PAK5: variants seen among roughly 807,000 people sequenced by gnomAD.
PAK5 encodes the protein p21 (RAC1) activated kinase 5, also known as serine/threonine-protein kinase PAK 5.
Under a neutral mutation model 65.9 loss-of-function variants are expected in PAK5, and 16 were observed. The ratio of observed to expected loss-of-function variants is 0.24; its 90% CI spans 0.16 to 0.37. The LOEUF is 0.37. Among genes scored for constraint, PAK5 ranks in the 10% least tolerant of loss-of-function variants. The probability of loss-of-function intolerance (pLI) is 1.00; values close to 1 mark genes in which losing one functional copy is unlikely to be tolerated. For missense variants in PAK5, 785 were observed against 903.9 expected (o/e 0.87, Z 1.69); for synonymous variants, 371 against 354.9 (o/e 1.05, Z -0.51).
At chr20:9,575,064 GGCC>G (rs1228585654) in intron 4 of PAK5, among the ~76,000 whole-genome samples, 1 of 152,152 alleles carries the variant, frequency 6.6e-6, no homozygotes, top group Non-Finnish European at 1.5e-5. Context: ...GGGAAGACTG[GGCC>G]CACTGGTTCA....
chr20:9,690,457 G>T (rs1450806379), intron 2 of PAK5, among the ~76,000 whole-genome samples: 2 of 152,156 alleles, frequency 1.3e-5, no homozygotes, highest in Non-Finnish European at 2.9e-5. Flanking sequence ...TTAGTCCCAG[G>T]AAGCAATGGT....
chr20:9,622,811 C>T (rs975986326), intron 3 of PAK5, among the ~76,000 whole-genome samples: 4 of 152,196 alleles, frequency 2.6e-5, no homozygotes, highest in Non-Finnish European at 4.4e-5. Context: ...TGTGGAAAAA[C>T]TGTCTTCCAC....
At chr20:9,733,764 CA>C (rs1298618288) in intron 1 of PAK5, among the ~76,000 whole-genome samples, 1 of 152,140 alleles carries the variant, frequency 6.6e-6, no homozygotes, top group Non-Finnish European at 1.5e-5. Flanking sequence ...TCTTTTTAAA[CA>C]ACATTACTCG....
intron 3 of PAK5, among the ~76,000 whole-genome samples, chr20:9,638,333 G>C (rs113052455): frequency 2.6e-5 from 4 of 152,194 alleles, no homozygotes; most frequent in Non-Finnish European, 4.4e-5. Context: ...GGGTATTCAG[G>C]TTATCTTGGC....
At chr20:9,832,274 C>T (rs221018) in intron 1 of PAK5, among the ~76,000 whole-genome samples, 92,415 of 151,742 alleles carry the variant, frequency 0.61, 30,081 homozygotes, top group African/African-American at 0.85. Context: ...GTTTTGACAA[C>T]TTTCTTTTTT....
At chr20:9,641,671 A>C (rs1455296332) in intron 3 of PAK5, among the ~76,000 whole-genome samples, 1 of 152,018 alleles carries the variant, frequency 6.6e-6, no homozygotes, top group East Asian at 1.9e-4. Flanking sequence ...TCGGCCGCAC[A>C]GGAGCCCATG....
chr20:9,739,303 T>C (rs768893328), intron 1 of PAK5, among the ~76,000 whole-genome samples: 9 of 151,922 alleles, frequency 5.9e-5, no homozygotes, highest in Non-Finnish European at 1.2e-4. Flanking sequence ...GCTAGAGCTA[T>C]AGAAATAACC....
intron 3 of PAK5, among the ~76,000 whole-genome samples, chr20:9,623,157 T>C (rs2046795682): frequency 1.3e-5 from 2 of 152,206 alleles, no homozygotes. Flanking sequence ...ATTTTTCTAA[T>C]TGTCTCATCT....
At chr20:9,546,419 G>C (rs943662791) in intron 7 of PAK5, among the ~76,000 whole-genome samples, 1 of 152,092 alleles carries the variant, frequency 6.6e-6, no homozygotes, top group African/African-American at 2.4e-5. Flanking sequence ...ACACACTTTA[G>C]GTTTATCATG....
chr20:9,766,369 A>AC (rs1347216216), intron 1 of PAK5, among the ~76,000 whole-genome samples: 1,032 of 41,644 alleles, frequency 0.025, 151 homozygotes, highest in East Asian at 0.096. Context: ...ATATATATAT[A>AC]TTCAAGCAGA....
At chr20:9,547,397 G>T (rs2045361252) in intron 7 of PAK5, among the ~76,000 whole-genome samples, 4 of 152,162 alleles carry the variant, frequency 2.6e-5, no homozygotes, top group Admixed American at 2.6e-4. Flanking sequence ...CTTACTACCT[G>T]CCAGGTAACA....
At chr20:9,760,337 G>GGCTA (rs1301493838) in intron 1 of PAK5, among the ~76,000 whole-genome samples, 1 of 152,016 alleles carries the variant, frequency 6.6e-6, no homozygotes, top group Non-Finnish European at 1.5e-5. Flanking sequence ...CAGTATTGAG[G>GGCTA]GCTAAATGAT....
chr20:9,590,441 G>C (rs2046148105), intron 3 of PAK5, among the ~76,000 whole-genome samples: 6 of 152,102 alleles, frequency 3.9e-5, no homozygotes, highest in Admixed American at 3.9e-4. Context: ...TGAGAGTATG[G>C]CTGGATTTGT....
At chr20:9,825,727 C>T (rs2123780252) in intron 1 of PAK5, among the ~76,000 whole-genome samples, 1 of 152,230 alleles carries the variant, frequency 6.6e-6, no homozygotes, top group Admixed American at 6.5e-5. Flanking sequence ...TTCATACCAG[C>T]ATAAAGTCTT....
intron 3 of PAK5, among the ~76,000 whole-genome samples, chr20:9,640,304 AT>A (rs984902029): frequency 6.8e-6 from 1 of 147,716 alleles, no homozygotes; most frequent in African/African-American, 2.5e-5. Context: ...GAGTGAGAAC[AT>A]TCGGTGTTTG....
At chr20:9,771,661 T>C (rs1248325698) in intron 1 of PAK5, among the ~76,000 whole-genome samples, 1 of 146,744 alleles carries the variant, frequency 6.8e-6, no homozygotes, top group Non-Finnish European at 1.5e-5. Flanking sequence ...CCTCAAGTAA[T>C]CCTCCTGTAT....
At chr20:9,628,658 A>T (rs2046879923) in intron 3 of PAK5, among the ~76,000 whole-genome samples, 1 of 152,202 alleles carries the variant, frequency 6.6e-6, no homozygotes, top group Admixed American at 6.5e-5. Context: ...TGCACAATAA[A>T]CATCTGTTAA....
intron 1 of PAK5, among the ~76,000 whole-genome samples, chr20:9,787,716 A>C (rs1298816372): frequency 6.6e-6 from 1 of 151,870 alleles, no homozygotes; most frequent in Non-Finnish European, 1.5e-5. Context: ...TTCCAAAAAA[A>C]AATTCTTGAT....
At chr20:9,641,852 CG>C (rs912952434) in intron 3 of PAK5, among the ~76,000 whole-genome samples, 4 of 152,180 alleles carry the variant, frequency 2.6e-5, no homozygotes, top group African/African-American at 7.2e-5. Flanking sequence ...CCCCATTGCC[CG>C]GGGCCAGCAG....
Sources: allele counts gnomAD v4.1 joint callset (sites outside exome capture counted in the v4.1 genomes callset), GRCh38; gene constraint gnomAD v4.1.1; transcripts MANE v1.5; gene names NCBI Gene and HGNC (gene_info 2026-07-23, HGNC 2026-07-21).